PARD3: variants seen among roughly 807,000 people sequenced by gnomAD.
PARD3 encodes the protein par-3 family cell polarity regulator.
A neutral mutation model predicts 155.4 loss-of-function variants in PARD3; 75 were observed. The observed-to-expected ratio is 0.48, with a 90% CI of 0.40 to 0.58. The LOEUF is 0.58. Among genes scored for constraint, PARD3 ranks in the 20% least tolerant of loss-of-function variants. The probability of loss-of-function intolerance (pLI) is 0.00; values close to 1 mark genes in which losing one functional copy is unlikely to be tolerated. For synonymous variants in PARD3, 576 were observed against 610.5 expected, an observed-to-expected ratio of 0.94 and a Z score of 0.83; for missense variants, 1,642 against 1,721.7, an observed-to-expected ratio of 0.95 and a Z score of 0.82.
Position 34,348,000 on chromosome 10 carries a change from G to A in PARD3, c.2183C>T (p.Ser728Leu), listed in dbSNP as rs559332522. Residue 728 changes from serine to leucine, a missense_variant, in exon 15 of 25, where the codon TCG becomes TTG. Transcript: ENST00000374788. ...ACTGAGGGCAGCATTTCTGCTGGGC[G>A]ATTCATCAAGCCCCTCAATCCCACT... ...LYSGIEGLDE[S>L]PSRNAALSRI... is the part of the protein sequence containing the mutation. 13 of 1,613,206 alleles carry A rather than the reference G, an allele frequency of 8.1e-6. No individual in the cohort carries two copies. The East Asian group carries it at 8.9e-5, about 11-fold the overall frequency.
intron 22 of PARD3, among the ~76,000 whole-genome samples, chr10:34,250,148 T>TC (rs199885357): frequency 0.017 from 2,568 of 146,746 alleles, 138 homozygotes; most frequent in African/African-American, 0.066. Flanking sequence ...AGAAAACTGC[T>TC]CCCCCTCCAC....
intron 24 of PARD3, among the ~76,000 whole-genome samples, chr10:34,118,587 C>G (rs913967673): frequency 1.4e-4 from 22 of 152,154 alleles, no homozygotes; most frequent in African/African-American, 5.3e-4. Context: ...CTCAAATGAT[C>G]TGCCTGCCTC....
At chr10:34,525,868 G>A (rs2133744482) in intron 2 of PARD3, among the ~76,000 whole-genome samples, 1 of 151,934 alleles carries the variant, frequency 6.6e-6, no homozygotes, top group African/African-American at 2.4e-5. Flanking sequence ...AGATCATGAG[G>A]TCAAGAGATG....
intron 21 of PARD3, among the ~76,000 whole-genome samples, chr10:34,272,416 A>G (rs1414669168): frequency 6.6e-6 from 1 of 152,222 alleles, no homozygotes; most frequent in Non-Finnish European, 1.5e-5. Flanking sequence ...TATCTGACAA[A>G]GGACTTATAT....
intron 2 of PARD3, among the ~76,000 whole-genome samples, chr10:34,617,175 A>G: frequency 6.6e-6 from 1 of 151,960 alleles, no homozygotes; most frequent in South Asian, 2.1e-4. Flanking sequence ...GAATCACTTG[A>G]ACACGGGAGG....
chr10:34,575,314 T>A (rs993077245), intron 2 of PARD3, among the ~76,000 whole-genome samples: 2 of 152,216 alleles, frequency 1.3e-5, no homozygotes, highest in African/African-American at 2.4e-5. Context: ...AATTTTTAAG[T>A]CATCTTATTT....
At chr10:34,359,375 G>A in intron 13 of PARD3, 58 bp from the exon 14 acceptor site, 1 of 1,215,132 alleles carries the variant, frequency 8.2e-7, no homozygotes, top group Non-Finnish European at 1.1e-6. Context: ...AAAAGAAGTA[G>A]CTTTTCCTTT....
intron 22 of PARD3, among the ~76,000 whole-genome samples, chr10:34,211,809 A>T (rs1951768760): frequency 6.6e-6 from 1 of 152,044 alleles, no homozygotes; most frequent in Admixed American, 6.6e-5. Flanking sequence ...AAGAAAAAGA[A>T]AAAGGAGTAG....
chr10:34,204,013 A>T (rs999001003), intron 22 of PARD3, among the ~76,000 whole-genome samples: 7 of 152,232 alleles, frequency 4.6e-5, no homozygotes, highest in Non-Finnish European at 7.3e-5. Context: ...TATAATTTTC[A>T]TAAGTCAGAG....
chr10:34,178,298 C>T (rs934467971), intron 22 of PARD3, among the ~76,000 whole-genome samples: 3 of 152,112 alleles, frequency 2.0e-5, no homozygotes, highest in Non-Finnish European at 2.9e-5. Context: ...TTTCAGCAAG[C>T]GGAAACCCTA....
chr10:34,337,342 C>T lies in PARD3; in HGVS notation c.2493G>A (p.Lys831=). Residue 831 remains lysine (K), a synonymous_variant, in exon 17 of 25, where the codon AAG becomes AAA. Transcript: ENST00000374788. The part of the protein sequence containing the change: ...GRQSMSEKRT[K]QFSDASQLDF... ...CCAATTGACTGGCATCTGAAAATTG[C>T]TTTGTGCGTTTTTCTGACATACTCT... 2 of 1,602,212 alleles carry T rather than the reference C, an allele frequency of 1.2e-6. No homozygotes were observed. The highest frequency in any genetic ancestry group is 1.7e-6 in the Non-Finnish European group (2 of 1,174,420).
At chr10:34,468,628 A>G (rs2078157434) in intron 4 of PARD3, among the ~76,000 whole-genome samples, 1 of 152,188 alleles carries the variant, frequency 6.6e-6, no homozygotes, top group Non-Finnish European at 1.5e-5. Flanking sequence ...GCTCCTCAAC[A>G]CATCTATAAA....
intron 2 of PARD3, among the ~76,000 whole-genome samples, chr10:34,555,036 G>C (rs1370728898): frequency 2.0e-5 from 3 of 152,192 alleles, no homozygotes; most frequent in African/African-American, 4.8e-5. Flanking sequence ...GTCTGATACT[G>C]TAATGGGGTC....
chr10:34,354,970 A>G (rs1010520642), intron 14 of PARD3, among the ~76,000 whole-genome samples: 1 of 152,228 alleles, frequency 6.6e-6, no homozygotes, highest in African/African-American at 2.4e-5. Context: ...GAGCTGCAGC[A>G]GTGCGCCTGG....
chr10:34,351,609 C>A (rs1838089815), intron 14 of PARD3, among the ~76,000 whole-genome samples: 1 of 152,234 alleles, frequency 6.6e-6, no homozygotes, highest in African/African-American at 2.4e-5. Context: ...TCCTTCACAT[C>A]CCCATGAGGG....
intron 1 of PARD3, among the ~76,000 whole-genome samples, chr10:34,698,970 A>G (rs1309150674): frequency 1.3e-5 from 2 of 152,138 alleles, no homozygotes; most frequent in Admixed American, 6.5e-5. Context: ...TCATATCCAC[A>G]GCAGCCTCCA....
intron 22 of PARD3, among the ~76,000 whole-genome samples, chr10:34,195,025 C>T (rs938237747): frequency 4.6e-5 from 7 of 152,164 alleles, no homozygotes; most frequent in South Asian, 4.1e-4. Flanking sequence ...GATATACCAA[C>T]GTAATTTCTC....
At chr10:34,681,766 A>ATT (rs2093843171) in intron 2 of PARD3, among the ~76,000 whole-genome samples, 1 of 19,692 alleles carries the variant, frequency 5.1e-5, no homozygotes, top group Non-Finnish European at 7.8e-5. Context: ...ATATATATAT[A>ATT]TATTTTTTTT....
intron 22 of PARD3, among the ~76,000 whole-genome samples, chr10:34,158,800 ATTTAAT>A (rs1316969552): frequency 6.6e-6 from 1 of 152,204 alleles, no homozygotes; most frequent in Non-Finnish European, 1.5e-5. Context: ...TCTTAGATGT[ATTTAAT>A]TTTAATTAAT....
Sources: allele counts gnomAD v4.1 joint callset (sites outside exome capture counted in the v4.1 genomes callset), GRCh38; gene constraint gnomAD v4.1.1; transcripts MANE v1.5; gene names NCBI Gene and HGNC (gene_info 2026-07-23, HGNC 2026-07-21).